The following APBB2 variants were observed in gnomAD, a reference collection of about 807,000 sequenced individuals.
The protein encoded by APBB2 is Fe65-like 1.
Under a neutral mutation model 82.5 loss-of-function variants are expected in APBB2, and 38 were observed. The observed-to-expected ratio is 0.46, with a 90% confidence interval of 0.36 to 0.60. APBB2 has a LOEUF of 0.60. Among genes scored for constraint, APBB2 ranks in the 20% least tolerant of loss-of-function variants. The probability of loss-of-function intolerance (pLI) is 0.00; values close to 1 mark genes in which losing one functional copy is unlikely to be tolerated. For synonymous variants in APBB2, 341 were observed against 368.2 expected, an observed-to-expected ratio of 0.93 and a Z score of 0.85; for missense variants, 772 against 972.3, an observed-to-expected ratio of 0.79 and a Z score of 2.74.
At chr4:40,941,090 C>A (rs1029544898) in intron 7 of APBB2, among the ~76,000 whole-genome samples, 1 of 151,646 alleles carries the variant, frequency 6.6e-6, no homozygotes, top group African/African-American at 2.4e-5. Context: ...GCCTTCAGTT[C>A]TAAACTTTTG....
rs772639811 is a variant in APBB2 at position 40,826,001 on chromosome 4, C to T, written c.1733-31G>A. 1 of 1,561,700 alleles carries T rather than the reference C, an allele frequency of 6.4e-7. No individual in the cohort carries two copies. ...GGGAACAAAAGCAACACATCTTTCTCAGTGGTTCCAACACACATGTACACA... is the reference window on the plus strand; with the variant it reads ...GGGAACAAAAGCAACACATCTTTCTTAGTGGTTCCAACACACATGTACACA... On this transcript the variant is annotated intron_variant, in intron 14 of 17. Transcript: ENST00000508593. This position sits in a 1 kb window ranked among gnomAD's most constrained non-coding sequence, Gnocchi z 4.5.
intron 2 of APBB2, among the ~76,000 whole-genome samples, chr4:41,138,423 GA>G (rs1460258038): frequency 2.0e-5 from 3 of 152,058 alleles, no homozygotes; most frequent in African/African-American, 7.2e-5. Context: ...TTGTTGGGGG[GA>G]AAGACACCAT....
At chr4:40,909,869 T>C (rs1168132086) in intron 10 of APBB2, among the ~76,000 whole-genome samples, 1 of 152,206 alleles carries the variant, frequency 6.6e-6, no homozygotes, top group African/African-American at 2.4e-5. Flanking sequence ...AGCTGCATGC[T>C]TTACAACATG....
At chr4:41,140,608 G>C (rs1443595675) in intron 2 of APBB2, among the ~76,000 whole-genome samples, 5 of 152,178 alleles carry the variant, frequency 3.3e-5, no homozygotes, top group Non-Finnish European at 7.3e-5. Context: ...CCTGGTACCA[G>C]TCTGTGGCCT....
chr4:41,001,385 C>T (rs1805184362), intron 6 of APBB2, among the ~76,000 whole-genome samples: 1 of 152,224 alleles, frequency 6.6e-6, no homozygotes, highest in South Asian at 2.1e-4. Flanking sequence ...AAACCAGCTT[C>T]TCCAACAAGC....
intron 1 of APBB2, among the ~76,000 whole-genome samples, chr4:41,194,519 C>A: frequency 6.6e-6 from 1 of 152,170 alleles, no homozygotes; most frequent in Non-Finnish European, 1.5e-5. Flanking sequence ...CCTGTCTCTA[C>A]CAAAAATACA....
At chr4:41,144,211 A>G (rs1363308146) in intron 1 of APBB2, among the ~76,000 whole-genome samples, 1 of 152,254 alleles carries the variant, frequency 6.6e-6, no homozygotes, top group Non-Finnish European at 1.5e-5. Context: ...CTGTAAATCA[A>G]AACAGTCCTC....
chr4:41,157,065 C>CAAA (rs1302613201), intron 1 of APBB2, among the ~76,000 whole-genome samples: 41 of 72,804 alleles, frequency 5.6e-4, no homozygotes, highest in Non-Finnish European at 7.2e-4. Flanking sequence ...GACTCTGTCT[C>CAAA]AAAAAAAAAA....
intron 3 of APBB2, among the ~76,000 whole-genome samples, chr4:41,079,581 G>A (rs190966008): frequency 5.5e-5 from 8 of 145,504 alleles, no homozygotes; most frequent in East Asian, 2.0e-4. Context: ...ATGGAGTCTC[G>A]TTCTGTCGCC....
chr4:41,064,730 C>T (rs1201576816), intron 4 of APBB2, among the ~76,000 whole-genome samples: 2 of 152,116 alleles, frequency 1.3e-5, no homozygotes, highest in South Asian at 4.1e-4. Flanking sequence ...TGTGAGACAT[C>T]GAAGGTCATC....
At chr4:41,090,279 G>C (rs1422337213) in intron 3 of APBB2, among the ~76,000 whole-genome samples, 1 of 152,090 alleles carries the variant, frequency 6.6e-6, no homozygotes, top group African/African-American at 2.4e-5. Flanking sequence ...AATTACCACT[G>C]CAATGGAAAC....
At chr4:41,019,835 A>G (rs1810988066) in intron 5 of APBB2, among the ~76,000 whole-genome samples, 1 of 152,188 alleles carries the variant, frequency 6.6e-6, no homozygotes, top group African/African-American at 2.4e-5. Flanking sequence ...CAGCAGCATA[A>G]GCAGCTGGCA....
chr4:40,937,582 G>A (rs1257401436), intron 7 of APBB2, among the ~76,000 whole-genome samples: 3 of 152,132 alleles, frequency 2.0e-5, no homozygotes, highest in South Asian at 4.1e-4. Context: ...CTTAACACGG[G>A]CACTCTTAAG....
chr4:41,188,229 G>T (rs913354277), intron 1 of APBB2, among the ~76,000 whole-genome samples: 1 of 152,184 alleles, frequency 6.6e-6, no homozygotes, highest in Non-Finnish European at 1.5e-5. Flanking sequence ...GACATCTGGG[G>T]ACTGAAAAAG....
intron 10 of APBB2, among the ~76,000 whole-genome samples, chr4:40,906,464 CAAAAAAAA>C (rs5857755): frequency 7.4e-5 from 5 of 68,004 alleles, no homozygotes; most frequent in Non-Finnish European, 1.3e-4. Flanking sequence ...AAACCTGTCT[CAAAAAAAA>C]AAAAAAAAAA....
intron 6 of APBB2, among the ~76,000 whole-genome samples, chr4:40,961,375 T>G (rs189032762): frequency 6.6e-6 from 1 of 151,510 alleles, no homozygotes; most frequent in African/African-American, 2.4e-5. Flanking sequence ...ATCATCATTC[T>G]CAGTAAACTA....
chr4:41,076,281 G>A (rs1420452316), intron 3 of APBB2, among the ~76,000 whole-genome samples: 1 of 152,170 alleles, frequency 6.6e-6, no homozygotes, highest in Admixed American at 6.5e-5. Context: ...ACAGGATGGA[G>A]GCAGCACTGA....
intron 3 of APBB2, among the ~76,000 whole-genome samples, chr4:41,076,147 G>A (rs1449350237): frequency 6.6e-6 from 1 of 152,174 alleles, no homozygotes; most frequent in Non-Finnish European, 1.5e-5. Flanking sequence ...AATTTTCAAA[G>A]CAGGGGCAGA....
intron 2 of APBB2, among the ~76,000 whole-genome samples, chr4:41,130,662 C>T (rs1277025943): frequency 6.6e-6 from 1 of 152,098 alleles, no homozygotes; most frequent in Non-Finnish European, 1.5e-5. Context: ...AACTCTCCTC[C>T]AGCTCTGTGA....
Sources: gnomAD v4.1 joint callset for allele counts (sites outside exome capture counted in the v4.1 genomes callset) on GRCh38, gnomAD v4.1.1 for gene constraint, Gnocchi (gnomAD v3.1) non-coding constraint, MANE v1.5 for transcripts, NCBI Gene and HGNC (gene_info 2026-07-23, HGNC 2026-07-21) for gene names.